PCDH9: variants seen among roughly 807,000 people sequenced by gnomAD.
The protein encoded by PCDH9 is protocadherin 9.
In PCDH9, 24 loss-of-function variants were observed where a neutral mutation model predicts 70.6. The observed-to-expected ratio is 0.34, with a 90% CI of 0.25 to 0.48. The LOEUF is 0.48. Ranked by LOEUF, PCDH9 falls within the 20% of genes least tolerant of loss-of-function variation. The pLI is 0.99. For missense variants in PCDH9, 1,281 were observed against 1,503.6 expected (o/e 0.85, Z 2.45); for synonymous variants, 562 against 558.5 (o/e 1.01, Z -0.09).
intron 4 of PCDH9, among the ~76,000 whole-genome samples, chr13:66,546,621 CAATT>C (rs1263043233): frequency 6.6e-6 from 1 of 151,948 alleles, no homozygotes; most frequent in East Asian, 1.9e-4. Flanking sequence ...GAGAAAGAAA[CAATT>C]AATATATTTG....
intron 4 of PCDH9, among the ~76,000 whole-genome samples, chr13:66,510,858 C>T (rs1489881129): frequency 1.3e-5 from 2 of 152,092 alleles, no homozygotes; most frequent in Non-Finnish European, 2.9e-5. Flanking sequence ...CTTCTATTTA[C>T]AGAGTAGCTA....
intron 3 of PCDH9, among the ~76,000 whole-genome samples, chr13:66,771,856 G>A (rs1217756238): frequency 6.6e-6 from 1 of 152,118 alleles, no homozygotes; most frequent in African/African-American, 2.4e-5. Context: ...TCACTGAAAA[G>A]AGACCCTGAT....
At chr13:66,369,748 G>T (rs903264731) in intron 4 of PCDH9, among the ~76,000 whole-genome samples, 2 of 152,034 alleles carry the variant, frequency 1.3e-5, no homozygotes, top group Non-Finnish European at 2.9e-5. Flanking sequence ...AAGTGAATAT[G>T]GTATATGGTG....
At chr13:66,626,810 C>A (rs10492473) in intron 4 of PCDH9, among the ~76,000 whole-genome samples, 7,353 of 152,148 alleles carry the variant, frequency 0.048, 346 homozygotes, top group African/African-American at 0.12. Context: ...TTTGGCATTG[C>A]ATGTAAAGAC....
At chr13:67,190,846 C>T (rs533909419) in intron 2 of PCDH9, among the ~76,000 whole-genome samples, 4 of 152,038 alleles carry the variant, frequency 2.6e-5, no homozygotes, top group African/African-American at 4.8e-5. Flanking sequence ...AGTTCTTGAT[C>T]GTTTCCAATA....
intron 2 of PCDH9, among the ~76,000 whole-genome samples, chr13:67,004,827 A>AT (rs1253848078): frequency 6.6e-6 from 1 of 152,052 alleles, no homozygotes; most frequent in Non-Finnish European, 1.5e-5. Context: ...TAAATGAGAT[A>AT]TTTTATTTAA....
chr13:67,026,787 C>G (rs887320347), intron 2 of PCDH9, among the ~76,000 whole-genome samples: 2 of 151,372 alleles, frequency 1.3e-5, no homozygotes, highest in Admixed American at 1.3e-4. Context: ...AACAGAGAGC[C>G]AAATCATGAG....
intron 4 of PCDH9, among the ~76,000 whole-genome samples, chr13:66,493,314 A>G (rs1387786725): frequency 6.6e-6 from 1 of 152,154 alleles, no homozygotes; most frequent in Non-Finnish European, 1.5e-5. Context: ...GGAACAAATT[A>G]TGTTCCTAAC....
At chr13:66,753,615 C>A (rs529696577) in intron 3 of PCDH9, among the ~76,000 whole-genome samples, 2 of 152,228 alleles carry the variant, frequency 1.3e-5, no homozygotes, top group African/African-American at 4.8e-5. Context: ...AGGATCCTGA[C>A]TGGAGGGATA....
chr13:66,619,446 TTTTA>T (rs1156539870), intron 4 of PCDH9, among the ~76,000 whole-genome samples: 9 of 152,162 alleles, frequency 5.9e-5, no homozygotes, highest in Admixed American at 5.2e-4. Flanking sequence ...TTTTCTAGAA[TTTTA>T]TTTATTTTTT....
chr13:67,063,390 A>C (rs1042624428), intron 2 of PCDH9, among the ~76,000 whole-genome samples: 1 of 152,158 alleles, frequency 6.6e-6, no homozygotes, highest in Non-Finnish European at 1.5e-5. Context: ...GTCCAACTAC[A>C]TGCTAAGCTT....
chr13:66,386,225 A>T (rs989774686), intron 4 of PCDH9, among the ~76,000 whole-genome samples: 1 of 152,176 alleles, frequency 6.6e-6, no homozygotes, highest in Non-Finnish European at 1.5e-5. Flanking sequence ...CTATTATTTT[A>T]TGATACTGAC....
intron 2 of PCDH9, among the ~76,000 whole-genome samples, chr13:67,112,107 T>A (rs1169499192): frequency 6.6e-6 from 1 of 152,178 alleles, no homozygotes; most frequent in Non-Finnish European, 1.5e-5. Flanking sequence ...CCGACTGACT[T>A]TCATTAGAGC....
intron 4 of PCDH9, among the ~76,000 whole-genome samples, chr13:66,409,916 C>T (rs1187007693): frequency 6.6e-6 from 1 of 152,140 alleles, no homozygotes; most frequent in East Asian, 1.9e-4. Flanking sequence ...AAAAGTTAAA[C>T]CTGGCAATCC....
intron 2 of PCDH9, among the ~76,000 whole-genome samples, chr13:67,045,630 A>AT (rs2085208965): frequency 6.6e-6 from 1 of 152,124 alleles, no homozygotes; most frequent in Non-Finnish European, 1.5e-5. Context: ...AAAGGCCACT[A>AT]AACTCTGGAT....
At chr13:67,165,135 T>C (rs1408100970) in intron 2 of PCDH9, among the ~76,000 whole-genome samples, 1 of 152,184 alleles carries the variant, frequency 6.6e-6, no homozygotes, top group African/African-American at 2.4e-5. Context: ...ATTTCTACCA[T>C]TCAGAAATTA....
At chr13:66,733,185 A>T (rs973895966) in intron 3 of PCDH9, among the ~76,000 whole-genome samples, 1 of 152,082 alleles carries the variant, frequency 6.6e-6, no homozygotes, top group African/African-American at 2.4e-5. Context: ...AATTTTATAA[A>T]CTTAGTCATT....
intron 2 of PCDH9, chr13:67,215,261 T>C (rs2089575689): frequency 6.6e-6 from 1 of 151,938 alleles, no homozygotes; most frequent in Non-Finnish European, 1.5e-5. Context: ...TTTATCTTTC[T>C]AAAATTAATA....
At chr13:67,186,632 G>A (rs749403500) in intron 2 of PCDH9, among the ~76,000 whole-genome samples, 84 of 152,080 alleles carry the variant, frequency 5.5e-4, no homozygotes, top group Admixed American at 1.2e-3. Context: ...GATGATTAAA[G>A]TAAGGAGGAA....
Sources: gnomAD v4.1 joint callset for allele counts (sites outside exome capture counted in the v4.1 genomes callset) on GRCh38, gnomAD v4.1.1 for gene constraint, MANE v1.5 for transcripts, NCBI Gene and HGNC (gene_info 2026-07-23, HGNC 2026-07-21) for gene names.